The following BRWD1 variants were observed in gnomAD, a reference collection of about 807,000 sequenced individuals.
BRWD1 encodes bromodomain and WD repeat-containing protein 1.
Under a neutral mutation model 251.2 loss-of-function variants are expected in BRWD1, and 82 were observed. That is an observed-to-expected ratio of 0.33 (90% confidence interval 0.27 to 0.39). BRWD1 has a LOEUF of 0.39. Ranked by LOEUF, BRWD1 falls within the 10% of genes least tolerant of loss-of-function variation. The pLI is 1.00. For synonymous variants in BRWD1, 918 were observed against 902.8 expected (o/e 1.02, Z -0.30); for missense variants, 2,233 against 2,711.6 (o/e 0.82, Z 3.92).
rs1185743902 is a variant in BRWD1, at chr21:39,199,085, C to T, written c.5331G>A (p.Thr1777=). 1.4e-5 allele frequency: 22 copies of T among 1,613,966 alleles called. No individual in the cohort carries two copies. Among genetic ancestry groups the T allele is most frequent in the East Asian group, 2.2e-5 (1 of 44,892 alleles). Residue 1777 remains threonine, a synonymous_variant, in exon 40 of 41, where the codon ACG becomes ACA. Coordinates refer to ENST00000342449, the MANE Select transcript of BRWD1 (RefSeq NM_033656.4). The part of the protein sequence containing the change: ...HACNRTAGPS[T]SVQKLKAESI... ...TCTCTGCCTTAAGTTTCTGCACAGA[C>T]GTTGATGGGCCAGCAGTTCTGTTAC...
At chr21:39,257,937 G>T (rs936329617) in intron 18 of BRWD1, among the ~76,000 whole-genome samples, 3 of 152,112 alleles carry the variant, frequency 2.0e-5, no homozygotes, top group Non-Finnish European at 4.4e-5. Context: ...GTCTTATGCT[G>T]TAAGTTTAAG....
At chr21:39,247,003 G>C (rs1371226287) in intron 21 of BRWD1, among the ~76,000 whole-genome samples, 2 of 152,152 alleles carry the variant, frequency 1.3e-5, no homozygotes, top group Admixed American at 6.5e-5. Context: ...GCTTGAACCC[G>C]GGAGGCAGAG....
rs762835213 is a variant in BRWD1 at position 39,278,804 on chromosome 21, G to A, written c.942C>T (p.Pro314=). Residue 314 remains proline, a synonymous_variant, in exon 10 of 41, where the codon CCC becomes CCT. Transcript: ENST00000342449. ...DLESLKFSPR[P]LKFTEKPRPG... Reference sequence around the variant, plus strand: ...GCCTAGGCTTTTCAGTGAACTTCAGGGGACGTGGGCTTTAAAAGAAGAAGA... The same window carrying A: ...GCCTAGGCTTTTCAGTGAACTTCAGAGGACGTGGGCTTTAAAAGAAGAAGA... The A allele has an allele frequency of 8.2e-6, 13 of 1,591,704 alleles. No individual in the cohort carries two copies. In the African/African-American group the frequency reaches 1.5e-4, roughly 18 times the overall value.
intron 15 of BRWD1, among the ~76,000 whole-genome samples, chr21:39,266,240 C>T (rs774773596): frequency 1.7e-4 from 26 of 152,080 alleles, no homozygotes; most frequent in Non-Finnish European, 2.6e-4. Flanking sequence ...CAGAGGATTG[C>T]TGAATAAGAT....
chr21:39,218,262 T>C lies in BRWD1; in HGVS notation c.3549A>G (p.Ala1183=). 1 of 1,608,188 alleles carries C rather than the reference T, an allele frequency of 6.2e-7. No homozygotes were observed. Among genetic ancestry groups the C allele is most frequent in the South Asian group, 1.1e-5 (1 of 89,536 alleles). The part of the protein sequence containing the change: ...IDQLLNLDIA[A]AFAGPVDLCT... The stretch of plus-strand genomic sequence containing the variant: ...ACAAATCAACAGGGCCTGCAAAAGC[T>C]GCTGCTATATCTGTTAGGGAAGACA... Residue 1183 remains alanine (A), a synonymous_variant, in exon 31 of 41, where the codon GCA becomes GCG. Coordinates refer to ENST00000342449, the MANE Select transcript of BRWD1 (RefSeq NM_033656.4).
intron 29 of BRWD1, among the ~76,000 whole-genome samples, chr21:39,223,886 C>T (rs1024531080): frequency 6.6e-6 from 1 of 152,130 alleles, no homozygotes; most frequent in African/African-American, 2.4e-5. Flanking sequence ...GTCTCGCTGT[C>T]GCCTAGGCTG....
At chr21:39,303,312 A>G (rs1012898433) in intron 4 of BRWD1, among the ~76,000 whole-genome samples, 1 of 152,026 alleles carries the variant, frequency 6.6e-6, no homozygotes, top group Non-Finnish European at 1.5e-5. Context: ...AATGGTCAGG[A>G]GTTCAAGACC....
At chr21:39,256,099 A>G (rs2034554907) in intron 18 of BRWD1, among the ~76,000 whole-genome samples, 1 of 152,222 alleles carries the variant, frequency 6.6e-6, no homozygotes, top group African/African-American at 2.4e-5. Context: ...GATTATAGGC[A>G]TGAGCCACTG....
rs757674392 is a variant in BRWD1, at chr21:39,210,184, T to G, written c.4045-37A>C. The G allele has an allele frequency of 2.0e-6, 3 of 1,512,404 alleles. No individual in the cohort carries two copies. In the Admixed American group the frequency reaches 5.8e-5, roughly 29 times the overall value. The allele number at this position is 1,512,404 out of a possible 1,614,324, so 93.7% of individuals were successfully genotyped here. On this transcript the variant is annotated intron_variant, in intron 35 of 40. Coordinates refer to ENST00000342449, the MANE Select transcript of BRWD1 (RefSeq NM_033656.4). ...ACACAATATTTAATTCATAGATTCA[T>G]TTCTTGCTTTTAGAAATGTAAATGC...
At chr21:39,217,052 TA>T (rs1568877923) in intron 31 of BRWD1, 123 of 17,750 alleles carry the variant, frequency 6.9e-3, no homozygotes, top group Middle Eastern at 0.038. Context: ...TATATATATT[TA>T]TATATATATA....
intron 15 of BRWD1, among the ~76,000 whole-genome samples, chr21:39,266,634 G>C (rs7278048): frequency 0.1 from 15,463 of 152,268 alleles, 923 homozygotes; most frequent in East Asian, 0.14. Context: ...AGAGCAAGGA[G>C]GACTTGGGGT....
chr21:39,276,260 C>G lies in BRWD1; in HGVS notation c.1105-47G>C, dbSNP rs186371041. ...ATACAAAAATGATCATCTACATGGT[C>G]TGTGAATTTGAAAAAATGAAGTTTT... is the stretch of plus-strand genomic sequence containing the variant. On this transcript the variant is annotated intron_variant, in intron 11 of 40. Transcript: ENST00000342449. 4.6e-6 allele frequency: 7 copies of G among 1,517,574 alleles called. No homozygotes were observed. The South Asian group carries it at 6.1e-5, about 13-fold the overall frequency. The allele number at this position is 1,517,574 out of a possible 1,614,324, so 94.0% of individuals were successfully genotyped here.
chr21:39,261,727 T>C (rs2034753571), intron 17 of BRWD1, among the ~76,000 whole-genome samples: 1 of 149,652 alleles, frequency 6.7e-6, no homozygotes, highest in Non-Finnish European at 1.5e-5. Flanking sequence ...AAGACATTAG[T>C]GGAGGTCATA....
chr21:39,316,714 G>A (rs2036702481), upstream of BRWD1, among the ~76,000 whole-genome samples: 1 of 152,204 alleles, frequency 6.6e-6, no homozygotes, highest in East Asian at 1.9e-4. Context: ...CAAGGCCAGA[G>A]GACTGCTTGA....
chr21:39,210,777 G>C lies in BRWD1; in HGVS notation c.4044+9C>G, dbSNP rs1344681792. The C allele has an allele frequency of 1.9e-6, 3 of 1,596,724 alleles. No individual in the cohort carries two copies. Among genetic ancestry groups the C allele is most frequent in the Non-Finnish European group, 2.6e-6 (3 of 1,174,578 alleles). ...AAAAGCCCCAAACATTTAAACAATG[G>C]AAACTTACTGGATATTCAACCAAAT... On this transcript the variant is annotated intron_variant, in intron 35 of 40. Coordinates refer to ENST00000342449, the MANE Select transcript of BRWD1 (RefSeq NM_033656.4).
chr21:39,282,217 T>A (rs931571284), intron 8 of BRWD1, among the ~76,000 whole-genome samples: 1 of 152,136 alleles, frequency 6.6e-6, no homozygotes, highest in Non-Finnish European at 1.5e-5. Context: ...CATTTCAGCC[T>A]GGGCAACAGA....
intron 8 of BRWD1, among the ~76,000 whole-genome samples, chr21:39,291,901 T>G (rs1022498488): frequency 3.3e-5 from 5 of 152,176 alleles, no homozygotes; most frequent in Non-Finnish European, 7.4e-5. Flanking sequence ...AGAACCCTTC[T>G]TCCTTCACTG....
intron 20 of BRWD1, among the ~76,000 whole-genome samples, chr21:39,248,708 AT>A (rs2034293499): frequency 6.6e-6 from 1 of 151,252 alleles, no homozygotes; most frequent in South Asian, 2.1e-4. Flanking sequence ...GCATCAAAAA[AT>A]AGCAGATGCT....
In BRWD1 at chr21:39,247,935, A is replaced by G. The variant is rs556673939; in HGVS notation, c.2350-103T>C. 9.2e-5 allele frequency: 120 copies of G among 1,299,358 alleles called. No individual in the cohort carries two copies. The African/African-American group carries it at 1.7e-3, about 19-fold the overall frequency. The allele number at this position is 1,299,358 out of a possible 1,614,324, so 80.5% of individuals were successfully genotyped here. A position where few individuals can be genotyped will look rare whatever the true frequency, so the allele number is the denominator to read the frequency against. On this transcript the variant is annotated intron_variant, in intron 20 of 40. Transcript: ENST00000342449. ...GTTTCCAGAAGGATTTAAAGCAAAAAGAAAAAAAGGCTTAAAAAGAAGGTA... is the reference window on the plus strand; with the variant it reads ...GTTTCCAGAAGGATTTAAAGCAAAAGGAAAAAAAGGCTTAAAAAGAAGGTA...
Sources: gnomAD v4.1 joint callset for allele counts (sites outside exome capture counted in the v4.1 genomes callset) on GRCh38, gnomAD v4.1.1 for gene constraint, MANE v1.5 for transcripts, NCBI Gene and HGNC (gene_info 2026-07-23, HGNC 2026-07-21) for gene names.